The following CFAP58 variants were observed in gnomAD, a reference collection of about 807,000 sequenced individuals.
CFAP58 encodes the protein cilia- and flagella-associated protein 58.
In CFAP58, 88 loss-of-function variants were observed where a neutral mutation model predicts 119.5. The ratio of observed to expected loss-of-function variants is 0.74; its 90% CI spans 0.62 to 0.88. The LOEUF (loss-of-function observed/expected upper bound fraction) is 0.88, where lower values mean the gene tolerates loss of function less well. Ranked by LOEUF, CFAP58 falls within the 40% of genes least tolerant of loss-of-function variation. CFAP58 has a pLI of 0.00. For missense variants in CFAP58, 990 were observed against 1,021.2 expected (o/e 0.97, Z 0.42); for synonymous variants, 365 against 366.3 (o/e 1.00, Z 0.04).
intron 9 of CFAP58, among the ~76,000 whole-genome samples, chr10:104,384,289 G>A (rs1002821467): frequency 3.3e-5 from 5 of 152,190 alleles, no homozygotes; most frequent in African/African-American, 1.2e-4. Context: ...ATTAGAAATT[G>A]GGAGGTGGAC....
chr10:104,426,956 A>T (rs952628327), intron 15 of CFAP58, among the ~76,000 whole-genome samples: 2 of 152,244 alleles, frequency 1.3e-5, no homozygotes, highest in African/African-American at 4.8e-5. Context: ...TTAAAAAATT[A>T]GTTGGAACAA....
rs745872266 is a variant in CFAP58 at position 104,357,848 on chromosome 10, CACATATAT to C, written c.10-489_10-482del. Among the ~76,000 whole-genome samples, 197 of 50,046 alleles carry C rather than the reference CACATATAT, an allele frequency of 3.9e-3. 4 individuals carry two copies. Among genetic ancestry groups the C allele is most frequent in the Admixed American group, 0.015 (95 of 6,304 alleles). 32.8% of individuals were successfully genotyped at this position (50,046 alleles called of 152,430 possible). A position where few individuals can be genotyped will look rare whatever the true frequency, so the allele number is the denominator to read the frequency against. On this transcript the variant is annotated intron_variant, in intron 1 of 17. Coordinates refer to ENST00000369704, the MANE Select transcript of CFAP58 (RefSeq NM_001008723.2). ...ATACACATATATGTACACATATGTA[CACATATAT>C]ACACATATATACACATATATGTACA...
chr10:104,424,261 A>T (rs2012707305), intron 15 of CFAP58, among the ~76,000 whole-genome samples: 1 of 152,110 alleles, frequency 6.6e-6, no homozygotes, highest in African/African-American at 2.4e-5. Flanking sequence ...CCGGTGCCAA[A>T]TCTGTAGCAT....
intron 1 of CFAP58, 100 bp from the exon 2 acceptor site, chr10:104,358,241 C>A: frequency 1.6e-6 from 2 of 1,246,606 alleles, no homozygotes; most frequent in South Asian, 1.6e-5. Flanking sequence ...TAATTTTGCT[C>A]ATATGGAGGT....
intron 15 of CFAP58, among the ~76,000 whole-genome samples, chr10:104,440,931 G>A (rs2013026938): frequency 1.3e-5 from 2 of 152,128 alleles, no homozygotes; most frequent in African/African-American, 4.8e-5. Context: ...AACCTGGCAT[G>A]ACTGTTTTGT....
At chr10:104,442,087 G>T (rs1229521953) in intron 15 of CFAP58, among the ~76,000 whole-genome samples, 1 of 152,114 alleles carries the variant, frequency 6.6e-6, no homozygotes, top group African/African-American at 2.4e-5. Context: ...ATTTTGCTTA[G>T]AATTTTAAAT....
rs1247715028 is a variant in CFAP58 at position 104,406,673 on chromosome 10, T to C, written c.2152-16T>C. On this transcript the variant is annotated splice_polypyrimidine_tract_variant and intron_variant, in intron 14 of 17. Coordinates refer to ENST00000369704, the MANE Select transcript of CFAP58 (RefSeq NM_001008723.2). ...CTGATGATATCTCAGCTGCTATTGT[T>C]GTTCCCCTTGGACAGGCCAGCGACC... The C allele has an allele frequency of 6.2e-7, 1 of 1,607,844 alleles. No individual in the cohort carries two copies.
chr10:104,420,655 GA>G (rs922618762), intron 15 of CFAP58, among the ~76,000 whole-genome samples: 1 of 150,392 alleles, frequency 6.6e-6, no homozygotes, highest in Non-Finnish European at 1.5e-5. Context: ...GTTAAAAAAA[GA>G]AAAAAAGAGT....
At chr10:104,371,395 T>G (rs929338525) in intron 7 of CFAP58, among the ~76,000 whole-genome samples, 1 of 152,206 alleles carries the variant, frequency 6.6e-6, no homozygotes, top group Admixed American at 6.5e-5. Flanking sequence ...CCACAGAAGA[T>G]AGTGAATACG....
intron 3 of CFAP58, among the ~76,000 whole-genome samples, chr10:104,363,540 C>T (rs1218049634): frequency 6.6e-6 from 1 of 152,128 alleles, no homozygotes; most frequent in African/African-American, 2.4e-5. Flanking sequence ...TTCAGAGCAA[C>T]TACTGAAGAG....
At chr10:104,423,848 C>T (rs1469598206) in intron 15 of CFAP58, among the ~76,000 whole-genome samples, 1 of 152,154 alleles carries the variant, frequency 6.6e-6, no homozygotes, top group Non-Finnish European at 1.5e-5. Flanking sequence ...ATTTTTATCT[C>T]CTCTGTTGGT....
intron 9 of CFAP58, among the ~76,000 whole-genome samples, chr10:104,390,797 A>G (rs2012024044): frequency 6.6e-6 from 1 of 152,234 alleles, no homozygotes. Context: ...AATTTATTTT[A>G]AATTGTGGCA....
At chr10:104,394,569 A>G (rs1177015705) in intron 11 of CFAP58, among the ~76,000 whole-genome samples, 3 of 152,222 alleles carry the variant, frequency 2.0e-5, no homozygotes, top group South Asian at 2.1e-4. Context: ...ATAGGTTTTC[A>G]TGGAAATAAA....
chr10:104,429,673 C>T (rs760036941), intron 15 of CFAP58, among the ~76,000 whole-genome samples: 4 of 152,136 alleles, frequency 2.6e-5, no homozygotes, highest in South Asian at 2.1e-4. Context: ...CACCCAAATT[C>T]GCTTTCTCTT....
intron 15 of CFAP58, among the ~76,000 whole-genome samples, chr10:104,423,422 T>C (rs959134952): frequency 6.6e-6 from 1 of 152,162 alleles, no homozygotes; most frequent in African/African-American, 2.4e-5. Flanking sequence ...TTTTAAAATA[T>C]TTTTTTCTTC....
At chr10:104,426,794 C>T (rs1278376118) in intron 15 of CFAP58, among the ~76,000 whole-genome samples, 3 of 152,198 alleles carry the variant, frequency 2.0e-5, no homozygotes, top group African/African-American at 7.2e-5. Context: ...TCCAACCTAT[C>T]ATACTAAATA....
At chr10:104,413,983 C>T (rs1019664259) in intron 15 of CFAP58, among the ~76,000 whole-genome samples, 10 of 152,082 alleles carry the variant, frequency 6.6e-5, no homozygotes, top group African/African-American at 2.2e-4. Context: ...CATGGCCAGG[C>T]ATGTAACAAG....
intron 11 of CFAP58, among the ~76,000 whole-genome samples, chr10:104,398,035 C>T (rs1025478172): frequency 1.8e-4 from 27 of 152,220 alleles, no homozygotes; most frequent in African/African-American, 5.8e-4. Flanking sequence ...AGTTTGCATG[C>T]CTTTGTTCCC....
chr10:104,358,944 C>T (rs961648963), intron 2 of CFAP58, among the ~76,000 whole-genome samples: 3 of 152,090 alleles, frequency 2.0e-5, no homozygotes, highest in African/African-American at 4.8e-5. Flanking sequence ...TAATTTAATA[C>T]CTCATGATGG....
Sources: gnomAD v4.1 joint callset for allele counts (sites outside exome capture counted in the v4.1 genomes callset) on GRCh38, gnomAD v4.1.1 for gene constraint, MANE v1.5 for transcripts, NCBI Gene and HGNC (gene_info 2026-07-23, HGNC 2026-07-21) for gene names.